SWI5: variants seen among roughly 807,000 people sequenced by gnomAD.
The protein encoded by SWI5 is DNA repair protein SWI5 homolog.
Under a neutral mutation model 17.0 loss-of-function variants are expected in SWI5, and 12 were observed. That is an observed-to-expected ratio of 0.71 (90% confidence interval 0.45 to 1.14). The LOEUF (loss-of-function observed/expected upper bound fraction) is 1.14, where lower values mean the gene tolerates loss of function less well. Ranked by LOEUF, SWI5 falls within the 50% of genes most tolerant of loss-of-function variation. SWI5 has a pLI of 0.00. For synonymous variants in SWI5, 61 were observed against 64.0 expected, an observed-to-expected ratio of 0.95 and a Z score of 0.22; for missense variants, 158 against 162.2, an observed-to-expected ratio of 0.97 and a Z score of 0.14.
intron 2 of SWI5, among the ~76,000 whole-genome samples, chr9:128,277,861 G>A (rs1046062592): frequency 6.6e-6 from 1 of 152,038 alleles, no homozygotes; most frequent in African/African-American, 2.4e-5. Context: ...GCTTCTCTCT[G>A]CAAGTGGGTT....
intron 2 of SWI5, among the ~76,000 whole-genome samples, chr9:128,279,716 G>A (rs1262712711): frequency 1.3e-5 from 2 of 152,148 alleles, no homozygotes; most frequent in Admixed American, 6.5e-5. Flanking sequence ...TTAGGCCTCC[G>A]GATGACTGCG....
chr9:128,276,558 T>A (rs1831386167), intron 1 of SWI5, 149 bp from the exon 2 acceptor site: 1 of 1,587,740 alleles, frequency 6.3e-7, no homozygotes, highest in East Asian at 2.2e-5. Flanking sequence ...TCTACCCTGA[T>A]CCTGAGAGCG....
exon 1 of SWI5, chr9:128,276,320 G>A: frequency 6.2e-7 from 1 of 1,613,182 alleles, no homozygotes; most frequent in Non-Finnish European, 8.5e-7. Context: ...GCACCTGAGA[G>A]GTCGCTCTCC....
At position 128,283,060 on chromosome 9, in the gene SWI5, A is replaced by G. The variant is rs373720005; in HGVS notation, c.112-1450A>G. The stretch of plus-strand genomic sequence containing the variant: ...CCGGGAGCAGTGGCTCACGCCTGTA[A>G]TCCCAGCACTTTGGGAGGCCGAGGT... On this transcript the variant is annotated intron_variant, in intron 2 of 4. Transcript: ENST00000418976. Among the ~76,000 whole-genome samples, 5 of 152,276 alleles carry G rather than the reference A, an allele frequency of 3.3e-5. No individual in the cohort carries two copies. In the East Asian group the frequency reaches 9.7e-4, roughly 29 times the overall value.
chr9:128,288,444 C>T (rs1055921273), intron 4 of SWI5, among the ~76,000 whole-genome samples: 2 of 152,184 alleles, frequency 1.3e-5, no homozygotes, highest in African/African-American at 2.4e-5. Context: ...AGAGCTCCAG[C>T]GTGGCCAGGT....
chr9:128,284,546 A>T, exon 3 of SWI5: 1 of 1,613,988 alleles, frequency 6.2e-7, no homozygotes. Context: ...TGATGGGACC[A>T]GCGAGGAGTC....
chr9:128,276,157 T>C (rs200988365), upstream of SWI5: 48 of 1,568,624 alleles, frequency 3.1e-5, no homozygotes, highest in Middle Eastern at 1.7e-4. Context: ...TGCAGCGGCG[T>C]GGCCAGAGGG....
intron 2 of SWI5, among the ~76,000 whole-genome samples, chr9:128,280,797 G>A (rs1050599630): frequency 2.0e-5 from 3 of 152,210 alleles, no homozygotes; most frequent in Admixed American, 1.3e-4. Context: ...GATTACAGGC[G>A]TGAGCCACCG....
chr9:128,287,973 T>A (rs562197728), intron 4 of SWI5, among the ~76,000 whole-genome samples: 1 of 152,220 alleles, frequency 6.6e-6, no homozygotes, highest in East Asian at 1.9e-4. Context: ...CTTGCTCTCA[T>A]GTGGTTTGTT....
intron 2 of SWI5, among the ~76,000 whole-genome samples, chr9:128,276,984 TC>T (rs1831412653): frequency 6.6e-6 from 1 of 151,878 alleles, no homozygotes; most frequent in Non-Finnish European, 1.5e-5. Context: ...CTAACTCCTC[TC>T]CCTCCCCATC....
chr9:128,278,754 C>G, intron 2 of SWI5: 1 of 434,670 alleles, frequency 2.3e-6, no homozygotes, highest in Non-Finnish European at 4.6e-6. Context: ...AACTGAGAAA[C>G]TGAGTTGTTT....
chr9:128,283,552 A>G (rs1308843930), intron 2 of SWI5, among the ~76,000 whole-genome samples: 2 of 152,186 alleles, frequency 1.3e-5, no homozygotes, highest in Non-Finnish European at 2.9e-5. Context: ...AGAGAGCCCA[A>G]GACAGACCTG....
chr9:128,286,100 G>C (rs1323141856), intron 4 of SWI5, 67 bp downstream of exon 4: 1 of 1,254,444 alleles, frequency 8.0e-7, no homozygotes. Flanking sequence ...AGGGGTGTTG[G>C]GTTTTGCTCC....
chr9:128,276,818 C>G, intron 2 of SWI5, 63 bp downstream of exon 2: 1 of 1,508,232 alleles, frequency 6.6e-7, no homozygotes. Flanking sequence ...CGCTCCCGGC[C>G]CCACTCCCCA....
At chr9:128,276,345 A>G (rs770310130) in exon 1 of SWI5, 2 of 1,612,944 alleles carry the variant, frequency 1.2e-6, no homozygotes, top group Non-Finnish European at 1.7e-6. Flanking sequence ...CCCGCGCTGG[A>G]CCCTCTTGCG....
chr9:128,276,058 G>A (rs555522764), upstream of SWI5: 5 of 1,587,304 alleles, frequency 3.1e-6, no homozygotes, highest in Non-Finnish European at 4.3e-6. Flanking sequence ...CGTAACCAGG[G>A]CGATACTGGA....
chr9:128,275,920 C>T, upstream of SWI5: 1 of 1,590,474 alleles, frequency 6.3e-7, no homozygotes, highest in South Asian at 1.1e-5. Context: ...CCAATTTGCT[C>T]TGTCGGGTTT....
chr9:128,276,782 T>C, intron 2 of SWI5, 27 bp downstream of exon 2: 2 of 1,587,820 alleles, frequency 1.3e-6, no homozygotes, highest in Non-Finnish European at 1.7e-6. Flanking sequence ...CCACACCCCC[T>C]TTCCCATCCT....
At chr9:128,283,619 G>T (rs1442774296) in intron 2 of SWI5, among the ~76,000 whole-genome samples, 1 of 152,194 alleles carries the variant, frequency 6.6e-6, no homozygotes, top group African/African-American at 2.4e-5. Context: ...GTTAGGATTG[G>T]GTTTGACTAG....
Sources: allele counts gnomAD v4.1 joint callset (sites outside exome capture counted in the v4.1 genomes callset), GRCh38; gene constraint gnomAD v4.1.1; transcripts MANE v1.5; gene names NCBI Gene and HGNC (gene_info 2026-07-23, HGNC 2026-07-21).